Variants in FLT3LG observed in about 807,000 individuals in gnomAD.
FLT3LG encodes the protein fms-related tyrosine kinase 3 ligand.
FLT3LG carries 8 observed loss-of-function variants against 30.9 expected under a neutral mutation model. The ratio of observed to expected loss-of-function variants is 0.26; its 90% CI spans 0.15 to 0.47. The LOEUF (loss-of-function observed/expected upper bound fraction) is 0.47, where lower values mean the gene tolerates loss of function less well. FLT3LG is among the 20% of genes least tolerant of loss of function. FLT3LG has a pLI of 0.99. For missense variants in FLT3LG, 278 were observed against 306.2 expected (o/e 0.91, Z 0.69); for synonymous variants, 123 against 135.9 (o/e 0.91, Z 0.66).
intron 6 of FLT3LG, among the ~76,000 whole-genome samples, chr19:49,479,289 G>C (rs1319647042): frequency 6.6e-6 from 1 of 151,064 alleles, no homozygotes; most frequent in African/African-American, 2.4e-5. Context: ...CCGCCTCTCG[G>C]GTTCATGCCA....
At chr19:49,477,920 C>A (rs1297867973) in intron 5 of FLT3LG, among the ~76,000 whole-genome samples, 4 of 151,300 alleles carry the variant, frequency 2.6e-5, no homozygotes, top group African/African-American at 9.7e-5. Context: ...GTGGCGCGCG[C>A]CTGTAGTCCC....
intron 8 of FLT3LG, chr19:49,481,303 G>A (rs2079603410): frequency 6.5e-6 from 1 of 153,022 alleles, no homozygotes; most frequent in Non-Finnish European, 1.5e-5. Flanking sequence ...GTCAGATTAG[G>A]GAAAGACATG....
At chr19:49,475,542 G>A in intron 2 of FLT3LG, 149 bp from the exon 3 acceptor site, 1 of 1,028,724 alleles carries the variant, frequency 9.7e-7, no homozygotes. Context: ...AGGCAGAGAT[G>A]GGGCCATGTC....
At chr19:49,478,835 G>C in intron 5 of FLT3LG, 74 bp from the exon 6 acceptor site, 1 of 1,362,836 alleles carries the variant, frequency 7.3e-7, no homozygotes, top group Middle Eastern at 2.8e-4. Flanking sequence ...ATCGCCAGCA[G>C]GGAAGGGCCT....
chr19:49,477,244 C>G (rs1413497087), intron 5 of FLT3LG, among the ~76,000 whole-genome samples: 1 of 152,066 alleles, frequency 6.6e-6, no homozygotes, highest in Non-Finnish European at 1.5e-5. Flanking sequence ...AGTTCAAGAC[C>G]AGCCCGGGTA....
chr19:49,484,174 C>T (rs933961029), intron 8 of FLT3LG, among the ~76,000 whole-genome samples: 22 of 150,018 alleles, frequency 1.5e-4, no homozygotes, highest in African/African-American at 4.9e-4. Context: ...TGAGCCACCA[C>T]GCCCAGCCTA....
chr19:49,476,637 C>T lies in FLT3LG; in HGVS notation c.342+71C>T. On this transcript the variant is annotated intron_variant, in intron 5 of 8. Coordinates refer to ENST00000597551, the MANE Select transcript of FLT3LG (RefSeq NM_001459.4). The surrounding 1 kb of genome is among the most constrained non-coding windows in gnomAD (Gnocchi z 5.3). Reference sequence around the variant, plus strand: ...CCTACGAATTAGAAGTAAAGCTCCACTAGGCCTTATTGGCGATTTGGACCA... The same window carrying T: ...CCTACGAATTAGAAGTAAAGCTCCATTAGGCCTTATTGGCGATTTGGACCA... 1 of 1,599,396 alleles carries T rather than the reference C, an allele frequency of 6.3e-7. No individual in the cohort carries two copies. Among genetic ancestry groups the T allele is most frequent in the Non-Finnish European group, 8.5e-7 (1 of 1,172,082 alleles).
In FLT3LG at chr19:49,476,106, G is replaced by A. The variant is rs767777570; in HGVS notation, c.145-39G>A. On this transcript the variant is annotated intron_variant, in intron 3 of 8. Coordinates refer to ENST00000597551, the MANE Select transcript of FLT3LG (RefSeq NM_001459.4). This position sits in a 1 kb window ranked among gnomAD's most constrained non-coding sequence, Gnocchi z 5.3. Reference sequence around the variant, plus strand: ...CTGGGTCCCCACAGTTCTGTTTCTCGCTGTTTTCAGCCAGGCCTGATCCTG... The same window carrying A: ...CTGGGTCCCCACAGTTCTGTTTCTCACTGTTTTCAGCCAGGCCTGATCCTG... 78 of 1,612,136 alleles carry A rather than the reference G, an allele frequency of 4.8e-5. No homozygotes were observed. The highest frequency in any genetic ancestry group is 6.2e-5 in the Non-Finnish European group (73 of 1,178,798).
In FLT3LG at chr19:49,476,636, A is replaced by G. The variant is rs3826717; in HGVS notation, c.342+70A>G. 0.11 allele frequency: 174,265 copies of G among 1,600,836 alleles called. 13,181 individuals carry two copies. Among genetic ancestry groups the G allele is most frequent in the African/African-American group, 0.39 (29,272 of 74,472 alleles). ...TCCTACGAATTAGAAGTAAAGCTCC[A>G]CTAGGCCTTATTGGCGATTTGGACC... On this transcript the variant is annotated intron_variant, in intron 5 of 8. Transcript: ENST00000597551. The surrounding 1 kb of genome is among the most constrained non-coding windows in gnomAD (Gnocchi z 5.3).
intron 8 of FLT3LG, among the ~76,000 whole-genome samples, chr19:49,483,866 CAAAAAAAAAA>C (rs34619675): frequency 8.0e-5 from 4 of 50,090 alleles, no homozygotes; most frequent in East Asian, 1.7e-3. Flanking sequence ...GACTCTGTCT[CAAAAAAAAAA>C]AAAAAAAAAA....
At chr19:49,480,688 A>T in intron 8 of FLT3LG, 68 bp downstream of exon 8, 1 of 1,497,958 alleles carries the variant, frequency 6.7e-7, no homozygotes, top group Non-Finnish European at 9.1e-7. Flanking sequence ...CTAGGAGGCC[A>T]TGGAAGGGTG....
chr19:49,474,821 G>A (rs1399918328), intron 2 of FLT3LG, 149 bp downstream of exon 2: 2 of 848,788 alleles, frequency 2.4e-6, no homozygotes, highest in Admixed American at 4.5e-5. Context: ...AGATGGATAG[G>A]AGAGGAGACG....
chr19:49,481,684 C>T (rs1310565616), intron 8 of FLT3LG: 1 of 152,230 alleles, frequency 6.6e-6, no homozygotes, highest in Non-Finnish European at 1.5e-5. Context: ...TCATGTGGGG[C>T]TGGCTTGCTT....
chr19:49,474,375 C>T (rs2079300464), intron 1 of FLT3LG, 94 bp downstream of exon 1: 1 of 576,888 alleles, frequency 1.7e-6, no homozygotes, highest in Admixed American at 3.1e-5. Context: ...GGGCTGGGTT[C>T]CCGGGTCCCT....
intron 2 of FLT3LG, 25 bp downstream of exon 2, chr19:49,474,697 CA>C (rs751440277): frequency 2.5e-5 from 41 of 1,609,996 alleles, no homozygotes; most frequent in Non-Finnish European, 3.1e-5. Context: ...GGGACAAGAT[CA>C]GGGGAGAGGG....
intron 5 of FLT3LG, among the ~76,000 whole-genome samples, chr19:49,478,238 C>A (rs889066515): frequency 6.6e-6 from 1 of 151,356 alleles, no homozygotes. Flanking sequence ...GAGGCCGAGG[C>A]GGGCGGATCA....
At chr19:49,483,053 A>C in intron 8 of FLT3LG, among the ~76,000 whole-genome samples, 1 of 152,220 alleles carries the variant, frequency 6.6e-6, no homozygotes, top group East Asian at 1.9e-4. Flanking sequence ...AGTTGGAATC[A>C]TTCATCATTT....
At position 49,474,682 on chromosome 19, in the gene FLT3LG, C is replaced by A. The variant is rs773713350; in HGVS notation, c.33+10C>A. 3.7e-6 allele frequency: 6 copies of A among 1,611,524 alleles called. No individual in the cohort carries two copies. The African/African-American group carries it at 8.0e-5, about 22-fold the overall frequency. ...AGCCTGGAGCCCAACAGTGCGTAAACCCCAGGGACAAGATCAGGGGAGAGG... is the reference window on the plus strand; with the variant it reads ...AGCCTGGAGCCCAACAGTGCGTAAAACCCAGGGACAAGATCAGGGGAGAGG... On this transcript the variant is annotated intron_variant, in intron 2 of 8. Coordinates refer to ENST00000597551, the MANE Select transcript of FLT3LG (RefSeq NM_001459.4).
chr19:49,475,421 G>A (rs1418996973), intron 2 of FLT3LG, among the ~76,000 whole-genome samples: 1 of 150,412 alleles, frequency 6.6e-6, no homozygotes, highest in African/African-American at 2.5e-5. Flanking sequence ...AAGATGAGGT[G>A]GTTGGAGAGA....
Sources: allele counts gnomAD v4.1 joint callset (sites outside exome capture counted in the v4.1 genomes callset), GRCh38; gene constraint gnomAD v4.1.1; non-coding constraint Gnocchi (gnomAD v3.1); transcripts MANE v1.5; gene names NCBI Gene and HGNC (gene_info 2026-07-23, HGNC 2026-07-21).